DISC1: variants seen among roughly 807,000 people sequenced by gnomAD.
The protein encoded by DISC1 is DISC1 scaffold protein.
DISC1 carries 57 observed loss-of-function variants against 84.5 expected under a neutral mutation model. The observed-to-expected ratio is 0.67, with a 90% CI of 0.55 to 0.84. The LOEUF is 0.84. Among genes scored for constraint, DISC1 ranks in the 40% least tolerant of loss-of-function variants. The pLI, the probability that DISC1 is intolerant of heterozygous loss-of-function variation, is 0.00. For synonymous variants in DISC1, 411 were observed against 415.2 expected, an observed-to-expected ratio of 0.99 and a Z score of 0.12; for missense variants, 1,000 against 1,057.8, an observed-to-expected ratio of 0.95 and a Z score of 0.76.
Position 232,039,317 on chromosome 1 carries a change from C to A in DISC1, c.*2486C>A, listed in dbSNP as rs943936917. 6.6e-6 allele frequency: 1 copy of A among 152,162 alleles called. No homozygotes were observed. The highest frequency in any genetic ancestry group is 2.4e-5 in the African/African-American group (1 of 41,444). The allele number at this position is 152,162 out of a possible 1,614,324, so 9.4% of individuals were successfully genotyped here. A position where few individuals can be genotyped will look rare whatever the true frequency, so the allele number is the denominator to read the frequency against. On this transcript the variant is annotated 3_prime_UTR_variant, in exon 13 of 13. Transcript: ENST00000439617. ...CAAGACATCTTAACCGTCACTAGCC[C>A]AAGTGTTTTGTATTACTCAGACACC...
rs573541556 is a variant in DISC1 at position 231,905,436 on chromosome 1, T to G, written c.1982-53392T>G. Among the ~76,000 whole-genome samples, 7 of 151,628 alleles carry G rather than the reference T, an allele frequency of 4.6e-5. No individual in the cohort carries two copies. In the South Asian group the frequency reaches 1.5e-3, roughly 31 times the overall value. On this transcript the variant is annotated intron_variant, in intron 9 of 12. Transcript: ENST00000439617. ...GAGTTCGAAACCAGCCTGGGCAAGA[T>G]AGTGAGACCCCCGTCTCCACAAATT...
At chr1:232,030,706 GT>G (rs1669928428) in intron 12 of DISC1, among the ~76,000 whole-genome samples, 1 of 152,180 alleles carries the variant, frequency 6.6e-6, no homozygotes, top group African/African-American at 2.4e-5. Context: ...GGTAACGAGA[GT>G]TTTGGGAGAC....
chr1:231,863,274 G>A (rs964674823), intron 9 of DISC1, among the ~76,000 whole-genome samples: 49 of 130,234 alleles, frequency 3.8e-4, no homozygotes, highest in African/African-American at 1.1e-3. Context: ...TCTGTCGCCC[G>A]GGATGGAGTG....
chr1:232,023,924 A>G (rs1669195177), intron 11 of DISC1, among the ~76,000 whole-genome samples: 1 of 151,800 alleles, frequency 6.6e-6, no homozygotes, highest in Non-Finnish European at 1.5e-5. Context: ...TTCATGTGTG[A>G]TGACGGTGTT....
At chr1:231,658,981 G>T (rs2061360602) in intron 1 of DISC1, among the ~76,000 whole-genome samples, 1 of 152,090 alleles carries the variant, frequency 6.6e-6, no homozygotes, top group Non-Finnish European at 1.5e-5. Flanking sequence ...GTATCAGGAT[G>T]ATGCTGGCCT....
intron 3 of DISC1, among the ~76,000 whole-genome samples, chr1:231,720,642 T>C (rs1171047650): frequency 1.3e-5 from 2 of 152,170 alleles, no homozygotes; most frequent in African/African-American, 4.8e-5. Context: ...ACTCGGCCTC[T>C]TCTCAGCTTT....
intron 9 of DISC1, among the ~76,000 whole-genome samples, chr1:231,820,433 A>C (rs1215391504): frequency 6.6e-6 from 1 of 152,230 alleles, no homozygotes; most frequent in Non-Finnish European, 1.5e-5. Context: ...ATATGCATGC[A>C]TGTACCATGA....
At chr1:231,779,428 G>A (rs2077206439) in intron 6 of DISC1, among the ~76,000 whole-genome samples, 1 of 151,900 alleles carries the variant, frequency 6.6e-6, no homozygotes. Flanking sequence ...ACCCTAAGGT[G>A]AACATAAGTT....
chr1:231,645,667 C>T (rs530368990), intron 1 of DISC1, among the ~76,000 whole-genome samples: 5 of 152,200 alleles, frequency 3.3e-5, no homozygotes, highest in South Asian at 2.1e-4. Flanking sequence ...TATCCCTCCC[C>T]GCACCCCACG....
In DISC1 at chr1:231,954,806, G is replaced by C. The variant is rs1375520762; in HGVS notation, c.1982-4022G>C. Among the ~76,000 whole-genome samples, 1 of 152,198 alleles carries C rather than the reference G, an allele frequency of 6.6e-6. No individual in the cohort carries two copies. Among genetic ancestry groups the C allele is most frequent in the Admixed American group, 6.5e-5 (1 of 15,284 alleles). On this transcript the variant is annotated intron_variant, in intron 9 of 12. Coordinates refer to ENST00000439617, the MANE Select transcript of DISC1 (RefSeq NM_018662.3). The surrounding 1 kb of genome is among the most constrained non-coding windows in gnomAD (Gnocchi z 4.8). ...ATCTAAACTCCCTGTCTACAGTCTTGGCCTGTCTTGAAGGTTGTGAGTCAA... is the reference window on the plus strand; with the variant it reads ...ATCTAAACTCCCTGTCTACAGTCTTCGCCTGTCTTGAAGGTTGTGAGTCAA...
intron 9 of DISC1, among the ~76,000 whole-genome samples, chr1:231,955,222 T>C (rs1435907546): frequency 6.6e-6 from 1 of 152,218 alleles, no homozygotes; most frequent in Non-Finnish European, 1.5e-5. Context: ...TCCCACTTCC[T>C]TAGTGATACT....
chr1:231,837,964 G>A (rs189661401), intron 9 of DISC1, among the ~76,000 whole-genome samples: 25 of 152,062 alleles, frequency 1.6e-4, no homozygotes, highest in African/African-American at 5.5e-4. Context: ...TCTTTAAGAG[G>A]CATTTTTTCT....
chr1:231,842,788 A>G (rs920917792), intron 9 of DISC1, among the ~76,000 whole-genome samples: 2 of 152,132 alleles, frequency 1.3e-5, no homozygotes, highest in Admixed American at 1.3e-4. Flanking sequence ...TTTTGTGAGG[A>G]CTGGAGCTTA....
At chr1:231,686,626 A>G (rs147819912) in intron 1 of DISC1, among the ~76,000 whole-genome samples, 50 of 152,292 alleles carry the variant, frequency 3.3e-4, no homozygotes, top group Middle Eastern at 3.4e-3. Context: ...GCTGTTGTGA[A>G]GACCTTTGAC....
At chr1:231,862,410 T>G (rs1287139212) in intron 9 of DISC1, among the ~76,000 whole-genome samples, 1 of 152,204 alleles carries the variant, frequency 6.6e-6, no homozygotes, top group Non-Finnish European at 1.5e-5. Context: ...AATGACTACT[T>G]CGATGGTTTT....
intron 4 of DISC1, among the ~76,000 whole-genome samples, chr1:231,757,575 G>T (rs1405777021): frequency 2.0e-5 from 3 of 151,672 alleles, no homozygotes; most frequent in Non-Finnish European, 2.9e-5. Flanking sequence ...GGTTAACTAG[G>T]TTCCTCTGAG....
In DISC1 at chr1:231,771,071, G is replaced by A; in HGVS notation, c.1634+1G>A. 2.5e-6 allele frequency: 4 copies of A among 1,584,852 alleles called. No individual in the cohort carries two copies. The highest frequency in any genetic ancestry group is 3.4e-6 in the Non-Finnish European group (4 of 1,163,042). On this transcript the variant is annotated splice_donor_variant, in intron 6 of 12. Transcript: ENST00000439617. LOFTEE classifies it high-confidence loss of function. Reference sequence around the variant, plus strand: ...CAGAGCCACCGGAAACCATAAGGAGGTACTGCTGATTTCCTAACTGATTTT... The same window carrying A: ...CAGAGCCACCGGAAACCATAAGGAGATACTGCTGATTTCCTAACTGATTTT...
chr1:231,920,693 G>A (rs140356538), intron 9 of DISC1, among the ~76,000 whole-genome samples: 134 of 152,230 alleles, frequency 8.8e-4, no homozygotes, highest in Middle Eastern at 3.4e-3. Flanking sequence ...GTTGCTTCCC[G>A]CATTTGGCTA....
At chr1:232,004,140 A>C (rs1667046374) in intron 10 of DISC1, among the ~76,000 whole-genome samples, 1 of 151,906 alleles carries the variant, frequency 6.6e-6, no homozygotes, top group Non-Finnish European at 1.5e-5. Context: ...GAAAATATGA[A>C]AAAGAAAACA....
Sources: allele counts gnomAD v4.1 joint callset (sites outside exome capture counted in the v4.1 genomes callset), GRCh38; gene constraint gnomAD v4.1.1; non-coding constraint Gnocchi (gnomAD v3.1); transcripts MANE v1.5; gene names NCBI Gene and HGNC (gene_info 2026-07-23, HGNC 2026-07-21).